MPC1: variants seen among roughly 807,000 people sequenced by gnomAD.
MPC1 encodes mitochondrial pyruvate carrier 1.
In MPC1, 6 loss-of-function variants were observed where a neutral mutation model predicts 13.9. The ratio of observed to expected loss-of-function variants is 0.43; its 90% CI spans 0.24 to 0.85. The LOEUF is 0.85. MPC1 is among the 40% of genes least tolerant of loss of function. The probability of loss-of-function intolerance (pLI) is 0.24; values close to 1 mark genes in which losing one functional copy is unlikely to be tolerated. For synonymous variants in MPC1, 47 were observed against 50.5 expected, an observed-to-expected ratio of 0.93 and a Z score of 0.29; for missense variants, 115 against 143.3, an observed-to-expected ratio of 0.80 and a Z score of 1.01.
At position 166,366,908 on chromosome 6, in the gene MPC1, G is replaced by T; in HGVS notation, c.76-17C>A. ...CCAGAAGTGCTACAAAAAATGAGAG[G>T]AAAAGAATGAAGAGAGGAAAAAGTT... On this transcript the variant is annotated splice_polypyrimidine_tract_variant and intron_variant, in intron 2 of 4. Coordinates refer to ENST00000360961, the MANE Select transcript of MPC1 (RefSeq NM_016098.4). 1.9e-6 allele frequency: 3 copies of T among 1,613,676 alleles called. No homozygotes were observed. The highest frequency in any genetic ancestry group is 4.5e-5 in the East Asian group (2 of 44,880).
At chr6:166,378,681 T>G (rs369594154) in intron 1 of MPC1, among the ~76,000 whole-genome samples, 1 of 152,180 alleles carries the variant, frequency 6.6e-6, no homozygotes, top group African/African-American at 2.4e-5. Flanking sequence ...GGGAATAGTT[T>G]CTTAAGAAAA....
intron 1 of MPC1, among the ~76,000 whole-genome samples, chr6:166,370,576 G>A (rs920064755): frequency 6.6e-6 from 1 of 152,182 alleles, no homozygotes; most frequent in African/African-American, 2.4e-5. Flanking sequence ...AAAGAAGGCC[G>A]GGGACAGTGG....
In MPC1 at chr6:166,382,837, G is replaced by A. The variant is rs11557065; in HGVS notation, c.40C>T (p.Arg14Ter). Reference protein sequence around the residue: ...ALVRKAADYVRSKDFRDYLMS... With the variant: ...ALVRKAADYV Reference sequence around the variant, plus strand: ...AGGTAGTCCCGGAAATCCTTGCTTCGGACATAGTCCGCCGCTTTCCGCACC... The same window carrying A: ...AGGTAGTCCCGGAAATCCTTGCTTCAGACATAGTCCGCCGCTTTCCGCACC... Residue 14 changes from arginine to a stop codon, truncating the protein, a stop_gained, in exon 1 of 5, where the codon CGA (arginine) becomes TGA (stop). Transcript: ENST00000360961. LOFTEE classifies it high-confidence loss of function. 2 of 1,597,624 alleles carry A rather than the reference G, an allele frequency of 1.3e-6. No homozygotes were observed. Among genetic ancestry groups the A allele is most frequent in the South Asian group, 1.1e-5 (1 of 88,778 alleles).
chr6:166,370,068 G>A, intron 2 of MPC1, 150 bp downstream of exon 2: 1 of 734,858 alleles, frequency 1.4e-6, no homozygotes, highest in Non-Finnish European at 2.5e-6. Context: ...CCCCAGGACA[G>A]GCCAGGGTGC....
intron 1 of MPC1, 134 bp from the exon 2 acceptor site, chr6:166,370,355 A>G: frequency 3.3e-6 from 2 of 612,354 alleles, no homozygotes; most frequent in Non-Finnish European, 5.8e-6. Flanking sequence ...CAGGACTACA[A>G]CGTTAACAGT....
At chr6:166,381,742 G>C in intron 1 of MPC1, 1 of 843,466 alleles carries the variant, frequency 1.2e-6, no homozygotes, top group Non-Finnish European at 1.4e-6. Context: ...TGGAAAGGAG[G>C]AGTTAACAGA....
chr6:166,366,169 C>T, intron 3 of MPC1, 63 bp from the exon 4 acceptor site: 4 of 1,565,814 alleles, frequency 2.6e-6, no homozygotes, highest in Non-Finnish European at 3.5e-6. Flanking sequence ...TTGATAGGAC[C>T]ACAGAGATGA....
At chr6:166,367,642 GAAATA>G (rs1223559674) in intron 2 of MPC1, among the ~76,000 whole-genome samples, 2 of 152,162 alleles carry the variant, frequency 1.3e-5, no homozygotes, top group African/African-American at 4.8e-5. Context: ...TTTAGAGGCT[GAAATA>G]AAATAAGGCT....
intron 1 of MPC1, among the ~76,000 whole-genome samples, chr6:166,374,770 C>T (rs1441978803): frequency 5.9e-5 from 9 of 152,170 alleles, no homozygotes; most frequent in Admixed American, 5.2e-4. Context: ...CGTCTACTTC[C>T]GGGCACTTTA....
chr6:166,369,939 C>A, intron 2 of MPC1: 1 of 584,336 alleles, frequency 1.7e-6, no homozygotes. Context: ...TATTTCCTTT[C>A]ATCGGTTGCT....
Position 166,366,982 on chromosome 6 carries a change from G to A in MPC1, c.76-91C>T, listed in dbSNP as rs534142863. On this transcript the variant is annotated intron_variant, in intron 2 of 4. Coordinates refer to ENST00000360961, the MANE Select transcript of MPC1 (RefSeq NM_016098.4). Reference sequence around the variant, plus strand: ...AATTTCCCTTACTTTAAATAATCACGTGAAACTCGTGAGAACAAATCTTCG... The same window carrying A: ...AATTTCCCTTACTTTAAATAATCACATGAAACTCGTGAGAACAAATCTTCG... 6.3e-5 allele frequency: 100 copies of A among 1,592,694 alleles called. No individual in the cohort carries two copies. In the African/African-American group the frequency reaches 1.0e-3, roughly 17 times the overall value.
Position 166,382,794 on chromosome 6 carries a change from G to C in MPC1, c.71+12C>G, listed in dbSNP as rs759949701. 1 of 1,580,350 alleles carries C rather than the reference G, an allele frequency of 6.3e-7. No individual in the cohort carries two copies. Among genetic ancestry groups the C allele is most frequent in the African/African-American group, 1.4e-5 (1 of 71,688 alleles). Reference sequence around the variant, plus strand: ...CTCCGGGTTGCGGGGTTCGGCCTGCGGCGCTCGTCACCTCATGAGGTAGTC... The same window carrying C: ...CTCCGGGTTGCGGGGTTCGGCCTGCCGCGCTCGTCACCTCATGAGGTAGTC... On this transcript the variant is annotated intron_variant, in intron 1 of 4. Transcript: ENST00000360961.
chr6:166,368,058 T>C (rs921583389), intron 2 of MPC1, among the ~76,000 whole-genome samples: 13 of 152,262 alleles, frequency 8.5e-5, no homozygotes, highest in Admixed American at 2.0e-4. Context: ...GGGTTTAACA[T>C]GTGAGTTATA....
In MPC1 at chr6:166,365,481, A is replaced by T; in HGVS notation, c.306-28T>A. ...GGAAAGAAACAAAAAGAAAAATTCA[A>T]TGAGAAACAAAATTTCAATGCCAAT... On this transcript the variant is annotated intron_variant, in intron 4 of 4. Transcript: ENST00000360961. The surrounding 1 kb of genome is among the most constrained non-coding windows in gnomAD (Gnocchi z 4.2). The T allele has an allele frequency of 6.4e-7, 1 of 1,559,776 alleles. No individual in the cohort carries two copies. The highest frequency in any genetic ancestry group is 8.7e-7 in the Non-Finnish European group (1 of 1,151,914).
chr6:166,370,314 C>T, intron 1 of MPC1, 93 bp from the exon 2 acceptor site: 2 of 670,266 alleles, frequency 3.0e-6, no homozygotes, highest in Non-Finnish European at 5.4e-6. Context: ...TAGGTTACTG[C>T]AACCTCACAC....
At chr6:166,368,722 T>TA (rs1294901236) in intron 2 of MPC1, 12 of 979,448 alleles carry the variant, frequency 1.2e-5, no homozygotes, top group African/African-American at 1.8e-5. Context: ...ATCTCTCCCT[T>TA]ACCTACTTAC....
intron 1 of MPC1, among the ~76,000 whole-genome samples, chr6:166,371,794 A>C (rs1293939642): frequency 2.0e-5 from 3 of 152,228 alleles, no homozygotes; most frequent in African/African-American, 7.2e-5. Flanking sequence ...TAAATTAGGC[A>C]GAGTAAGAGA....
At chr6:166,374,468 C>A (rs1779500250) in intron 1 of MPC1, among the ~76,000 whole-genome samples, 1 of 152,160 alleles carries the variant, frequency 6.6e-6, no homozygotes, top group South Asian at 2.1e-4. Flanking sequence ...GGGATCATGT[C>A]TTTGGTCTTG....
intron 1 of MPC1, chr6:166,370,463 G>A (rs992262206): frequency 4.0e-6 from 2 of 498,874 alleles, no homozygotes; most frequent in African/African-American, 3.9e-5. Flanking sequence ...GAAAATAAGT[G>A]CAATCCTTAG....
Sources: gnomAD v4.1 joint callset for allele counts (sites outside exome capture counted in the v4.1 genomes callset) on GRCh38, gnomAD v4.1.1 for gene constraint, Gnocchi (gnomAD v3.1) non-coding constraint, MANE v1.5 for transcripts, NCBI Gene and HGNC (gene_info 2026-07-23, HGNC 2026-07-21) for gene names.